Variants in CCSER2 observed in about 807,000 individuals in gnomAD.
CCSER2 encodes the protein coiled-coil serine rich protein 2, also known as serine-rich coiled-coil domain-containing protein 2.
A neutral mutation model predicts 92.3 loss-of-function variants in CCSER2; 46 were observed. That is an observed-to-expected ratio of 0.50 (90% CI 0.39 to 0.64). CCSER2 has a LOEUF of 0.64. Among genes scored for constraint, CCSER2 ranks in the 30% least tolerant of loss-of-function variants. The pLI, the probability that CCSER2 is intolerant of heterozygous loss-of-function variation, is 0.00. For missense variants in CCSER2, 1,244 were observed against 1,238.9 expected (o/e 1.00, Z -0.06); for synonymous variants, 433 against 431.4 (o/e 1.00, Z -0.04).
At chr10:84,369,144 G>GTT (rs143337539) in intron 1 of CCSER2, among the ~76,000 whole-genome samples, 2 of 143,478 alleles carry the variant, frequency 1.4e-5, no homozygotes, top group African/African-American at 2.5e-5. Context: ...ACATATGCAG[G>GTT]TTTTTTTTTT....
At chr10:84,445,111 G>A (rs1022539344) in intron 6 of CCSER2, among the ~76,000 whole-genome samples, 10 of 150,802 alleles carry the variant, frequency 6.6e-5, no homozygotes, top group Admixed American at 3.4e-4. Context: ...CATGAAGAAC[G>A]TGGGGACATG....
At chr10:84,450,706 G>T (rs1332704851) in intron 6 of CCSER2, among the ~76,000 whole-genome samples, 1 of 152,118 alleles carries the variant, frequency 6.6e-6, no homozygotes, top group African/African-American at 2.4e-5. Context: ...GAGAAACTTT[G>T]TAGAAACCAT....
At chr10:84,477,545 C>T in intron 8 of CCSER2, 30 bp from the exon 9 acceptor site, 1 of 1,277,366 alleles carries the variant, frequency 7.8e-7, no homozygotes, top group East Asian at 2.3e-5. Flanking sequence ...CAGAATTAAA[C>T]CAATGTAAAA....
rs1027669285 is a variant in CCSER2 at position 84,508,732 on chromosome 10, A to G, written c.2326-4717A>G. 3.3e-5 allele frequency among the ~76,000 whole-genome samples: 5 copies of G among 152,270 alleles called. No homozygotes were observed. In the East Asian group the frequency reaches 9.6e-4, roughly 29 times the overall value. On this transcript the variant is annotated intron_variant, in intron 9 of 9. Coordinates refer to ENST00000372088, the MANE Select transcript of CCSER2 (RefSeq NM_001284240.2). ...TAGTGTTGACATTATTGAACTATGT[A>G]TTTGAAGCCTAGCAACCTCATATTC...
intron 9 of CCSER2, 81 bp downstream of exon 9, chr10:84,477,745 T>G: frequency 7.8e-6 from 6 of 770,014 alleles, no homozygotes; most frequent in Non-Finnish European, 1.1e-5. Context: ...CAGCAATCTC[T>G]AATGATTTTG....
Position 84,438,710 on chromosome 10 carries a change from G to GT in CCSER2, c.2064+3_2064+4insT, listed in dbSNP as rs1392768314. 1 of 1,576,182 alleles carries GT rather than the reference G, an allele frequency of 6.3e-7. No individual in the cohort carries two copies. Among genetic ancestry groups the GT allele is most frequent in the Non-Finnish European group, 8.6e-7 (1 of 1,156,782 alleles). On this transcript the variant is annotated splice_donor_region_variant and intron_variant, in intron 6 of 9. Coordinates refer to ENST00000372088, the MANE Select transcript of CCSER2 (RefSeq NM_001284240.2). ...AACTGAAACGTCTCCTGCATCAGGT[G>GT]AGTACATAATGAACATTTCCAGCTC... is the stretch of plus-strand genomic sequence containing the variant.
intron 1 of CCSER2, among the ~76,000 whole-genome samples, chr10:84,363,285 C>T (rs1000701330): frequency 5.3e-5 from 8 of 151,966 alleles, no homozygotes; most frequent in South Asian, 2.1e-4. Context: ...TGAGCCACCA[C>T]GCCTGGCCAC....
rs146416645 is a variant in CCSER2 at position 84,379,123 on chromosome 10, G to T, written c.1614+5308G>T. On this transcript the variant is annotated intron_variant, in intron 3 of 9. Transcript: ENST00000372088. ...TCTGGACCTGGAGTTTTCTTTATGA[G>T]AAGGTTTTTAATAACAGTTTTAATT... Among the ~76,000 whole-genome samples, 380 of 152,266 alleles carry T rather than the reference G, an allele frequency of 2.5e-3. 1 individual carries two copies. The highest frequency in any genetic ancestry group is 8.4e-3 in the African/African-American group (349 of 41,560).
At chr10:84,498,099 T>G (rs543273882) in intron 9 of CCSER2, among the ~76,000 whole-genome samples, 1 of 152,220 alleles carries the variant, frequency 6.6e-6, no homozygotes, top group Non-Finnish European at 1.5e-5. Flanking sequence ...CATACCTCTT[T>G]GGTGAAGGAA....
intron 1 of CCSER2, among the ~76,000 whole-genome samples, chr10:84,331,452 A>G (rs1177280870): frequency 6.6e-6 from 1 of 152,232 alleles, no homozygotes; most frequent in Non-Finnish European, 1.5e-5. Flanking sequence ...CTCTCTCCAG[A>G]TGCCCCATAA....
At chr10:84,347,621 T>G (rs1377709379) in intron 1 of CCSER2, among the ~76,000 whole-genome samples, 1 of 146,064 alleles carries the variant, frequency 6.8e-6, no homozygotes, top group Non-Finnish European at 1.5e-5. Flanking sequence ...CCCTCCCGGA[T>G]GGGGTGGCTG....
chr10:84,370,538 A>G (rs1170586144), intron 1 of CCSER2, among the ~76,000 whole-genome samples: 1 of 152,048 alleles, frequency 6.6e-6, no homozygotes, highest in Non-Finnish European at 1.5e-5. Flanking sequence ...GATTTTCTAG[A>G]TATATAATCA....
Position 84,517,386 on chromosome 10 carries a change from A to G in CCSER2, c.*3119A>G, listed in dbSNP as rs546045895. 4 of 152,600 alleles carry G rather than the reference A, an allele frequency of 2.6e-5. No individual in the cohort carries two copies. The highest frequency in any genetic ancestry group is 1.3e-4 in the Admixed American group (2 of 15,284). 9.5% of individuals were successfully genotyped at this position (152,600 alleles called of 1,614,324 possible). A position where few individuals can be genotyped will look rare whatever the true frequency, so the allele number is the denominator to read the frequency against. On this transcript the variant is annotated 3_prime_UTR_variant, in exon 10 of 10. Transcript: ENST00000372088. ...TTTCTAATAACTGAGACCATCTAACATTTTTCTTTTGGAGTCTCATTTTTA... is the reference window on the plus strand; with the variant it reads ...TTTCTAATAACTGAGACCATCTAACGTTTTTCTTTTGGAGTCTCATTTTTA...
At chr10:84,388,985 C>T (rs1841374737) in intron 3 of CCSER2, among the ~76,000 whole-genome samples, 1 of 152,134 alleles carries the variant, frequency 6.6e-6, no homozygotes, top group Non-Finnish European at 1.5e-5. Context: ...TTCTTGGAAA[C>T]AAGAACATTT....
intron 9 of CCSER2, among the ~76,000 whole-genome samples, chr10:84,509,061 T>TAA (rs1048746629): frequency 2.6e-5 from 4 of 152,250 alleles, no homozygotes; most frequent in African/African-American, 9.6e-5. Context: ...TACTTATGTA[T>TAA]AACATGCTTG....
intron 1 of CCSER2, among the ~76,000 whole-genome samples, chr10:84,361,497 A>G (rs1845497854): frequency 6.6e-6 from 1 of 152,194 alleles, no homozygotes; most frequent in African/African-American, 2.4e-5. Context: ...CTTCATATAA[A>G]TGGAATCACA....
At chr10:84,427,996 G>C (rs1176850101) in intron 5 of CCSER2, among the ~76,000 whole-genome samples, 1 of 152,184 alleles carries the variant, frequency 6.6e-6, no homozygotes, top group Non-Finnish European at 1.5e-5. Flanking sequence ...GCATTTGGCT[G>C]TATCAACTCT....
chr10:84,499,979 T>G (rs1213372677), intron 9 of CCSER2: 1 of 1,614,000 alleles, frequency 6.2e-7, no homozygotes, highest in South Asian at 1.1e-5. Context: ...TGTCTCTCAC[T>G]CCTATCCTGC....
intron 6 of CCSER2, among the ~76,000 whole-genome samples, chr10:84,457,237 TTATATA>T (rs1299342722): frequency 1.6e-5 from 1 of 63,850 alleles, no homozygotes; most frequent in Non-Finnish European, 2.9e-5. Context: ...TATAAATATA[TTATATA>T]TTATATATTA....
Sources: allele counts gnomAD v4.1 joint callset (sites outside exome capture counted in the v4.1 genomes callset), GRCh38; gene constraint gnomAD v4.1.1; transcripts MANE v1.5; gene names NCBI Gene and HGNC (gene_info 2026-07-23, HGNC 2026-07-21).